The following GSTO1 variants were observed in gnomAD, a reference collection of about 807,000 sequenced individuals.
GSTO1 encodes glutathione S-transferase omega-1.
In GSTO1, 27 loss-of-function variants were observed where a neutral mutation model predicts 23.8. That is an observed-to-expected ratio of 1.13 (90% CI 0.83 to 1.56). The LOEUF (loss-of-function observed/expected upper bound fraction) is 1.56. GSTO1 is among the 40% of genes most tolerant of loss of function. The pLI is 0.00. For missense variants in GSTO1, 255 were observed against 285.8 expected, an observed-to-expected ratio of 0.89 and a Z score of 0.78; for synonymous variants, 105 against 109.3, an observed-to-expected ratio of 0.96 and a Z score of 0.25.
rs1301153852 is a variant in GSTO1, at chr10:104,259,721, T to C, written c.289T>C (p.Tyr97His). 1 of 1,613,198 alleles carries C rather than the reference T, an allele frequency of 6.2e-7. No homozygotes were observed. The highest frequency in any genetic ancestry group is 1.1e-5 in the South Asian group (1 of 91,050). ...CACCTGTGAGTACCTGGATGAAGCA[T>C]ACCCAGGGAAGAAGCTGTTGCCGGA... ...AITCEYLDEA[Y>H]PGKKLLPDDP... Residue 97 changes from tyrosine (Y) to histidine (H), a missense_variant, in exon 3 of 6, where the codon TAC becomes CAC. Transcript: ENST00000369713.
intron 3 of GSTO1, among the ~76,000 whole-genome samples, chr10:104,262,059 A>G (rs1160188348): frequency 6.6e-6 from 1 of 152,194 alleles, no homozygotes; most frequent in Non-Finnish European, 1.5e-5. Flanking sequence ...TAGAGTTCAA[A>G]TCAGAAACGA....
At chr10:104,255,065 G>A in intron 1 of GSTO1, 98 bp from the exon 2 acceptor site, 1 of 1,445,906 alleles carries the variant, frequency 6.9e-7, no homozygotes, top group Non-Finnish European at 9.5e-7. Context: ...CCCACCGGCG[G>A]GGAACGGGTC....
chr10:104,264,109 C>T (rs551917055), intron 4 of GSTO1, among the ~76,000 whole-genome samples: 1 of 152,204 alleles, frequency 6.6e-6, no homozygotes, highest in Admixed American at 6.5e-5. Context: ...ATATTCTGAC[C>T]TCATAAAATG....
At position 104,255,193 on chromosome 10, in the gene GSTO1, G is replaced by A. The variant is rs149222313; in HGVS notation, c.65G>A (p.Gly22Asp). 120 of 1,613,732 alleles carry A rather than the reference G, an allele frequency of 7.4e-5. No homozygotes were observed. Among genetic ancestry groups the A allele is most frequent in the Non-Finnish European group, 1.0e-4 (118 of 1,179,830 alleles). ...GSAPPGPVPE[G>D]SIRIYSMRFC... ...GCGCCCCCGGGGCCGGTCCCGGAGG[G>A]CTCGATCCGCATCTACAGCATGAGG... The change falls in exon 2 of 6, where the codon GGC becomes GAC. Residue 22 changes from glycine to aspartate, a missense_variant. Coordinates refer to ENST00000369713, the MANE Select transcript of GSTO1 (RefSeq NM_004832.3).
intron 4 of GSTO1, among the ~76,000 whole-genome samples, chr10:104,265,472 A>G (rs577556295): frequency 1.4e-4 from 21 of 151,648 alleles, no homozygotes; most frequent in African/African-American, 4.1e-4. Flanking sequence ...TTCACATAAC[A>G]TATCTTTTGG....
Position 104,258,729 on chromosome 10 carries a change from C to T in GSTO1, c.144-847C>T, listed in dbSNP as rs559536687. Among the ~76,000 whole-genome samples the T allele has an allele frequency of 2.6e-5, 4 of 152,274 alleles. No individual in the cohort carries two copies. In the South Asian group the frequency reaches 8.3e-4, roughly 32 times the overall value. On this transcript the variant is annotated intron_variant, in intron 2 of 5. Coordinates refer to ENST00000369713, the MANE Select transcript of GSTO1 (RefSeq NM_004832.3). ...ATTAGCTGGGTGTGATGGTGCACGC[C>T]TGTGGTCCCAACTACTCGGGAGGTA...
At position 104,259,811 on chromosome 10, in the gene GSTO1, G is replaced by T. The variant is rs45613032; in HGVS notation, c.366+13G>T. The T allele has an allele frequency of 0.014, 22,074 of 1,554,248 alleles. 2,566 individuals are homozygous for T. The African/African-American group carries it at 0.26, about 18-fold the overall frequency. ...GTTGTTTTCTAAGGTTTGTGCATAA[G>T]AAATTTCAGCTCCTATTTGAAAAAC... On this transcript the variant is annotated intron_variant, in intron 3 of 5. Coordinates refer to ENST00000369713, the MANE Select transcript of GSTO1 (RefSeq NM_004832.3).
rs140523013 is a variant in GSTO1 at position 104,255,658 on chromosome 10, G to A, written c.143+387G>A. ...TTCCCGTTCTTATTCCAGCTTAACTGTTAGTTGTTATTCTGAATGTATTGT... is the reference window on the plus strand; with the variant it reads ...TTCCCGTTCTTATTCCAGCTTAACTATTAGTTGTTATTCTGAATGTATTGT... On this transcript the variant is annotated intron_variant, in intron 2 of 5. Transcript: ENST00000369713. Among the ~76,000 whole-genome samples, 213 of 152,270 alleles carry A rather than the reference G, an allele frequency of 1.4e-3. 1 individual carries two copies. Among genetic ancestry groups the A allele is most frequent in the African/African-American group, 4.5e-3 (189 of 41,546 alleles).
At chr10:104,256,493 T>G (rs935320263) in intron 2 of GSTO1, among the ~76,000 whole-genome samples, 1 of 152,160 alleles carries the variant, frequency 6.6e-6, no homozygotes. Context: ...AAAGGAACAT[T>G]GAAACTATCT....
chr10:104,254,552 A>T, upstream of GSTO1: 1 of 355,116 alleles, frequency 2.8e-6, no homozygotes, highest in Non-Finnish European at 5.3e-6. Flanking sequence ...AAGCCTTGGG[A>T]CGGAGCGGGT....
intron 2 of GSTO1, among the ~76,000 whole-genome samples, chr10:104,257,086 G>A (rs1253504768): frequency 3.3e-5 from 5 of 151,706 alleles, no homozygotes; most frequent in Middle Eastern, 3.2e-3. Flanking sequence ...AAAAGGTATT[G>A]GTGTCTATTT....
intron 5 of GSTO1, 138 bp downstream of exon 5, chr10:104,266,328 T>A: frequency 1.8e-6 from 1 of 569,142 alleles, no homozygotes; most frequent in East Asian, 3.0e-5. Flanking sequence ...AATCTTGGAC[T>A]ATCCCAGGCA....
chr10:104,259,872 G>T, intron 3 of GSTO1, 74 bp downstream of exon 3: 1 of 946,526 alleles, frequency 1.1e-6, no homozygotes, highest in South Asian at 1.4e-5. Context: ...TGCCATTTAT[G>T]GTTCAGTGAT....
chr10:104,255,363 C>A, intron 2 of GSTO1, 92 bp downstream of exon 2: 2 of 772,172 alleles, frequency 2.6e-6, no homozygotes, highest in Non-Finnish European at 4.5e-6. Flanking sequence ...CTTCTACCCC[C>A]CTCCCACCAG....
intron 3 of GSTO1, 149 bp from the exon 4 acceptor site, chr10:104,262,830 T>C (rs1185920073): frequency 2.0e-6 from 1 of 495,748 alleles, no homozygotes; most frequent in Non-Finnish European, 3.6e-6. Context: ...ACCAGTCCAT[T>C]ACCTCTGTGA....
At chr10:104,255,337 G>C in intron 2 of GSTO1, 66 bp downstream of exon 2, 1 of 1,054,590 alleles carries the variant, frequency 9.5e-7, no homozygotes, top group South Asian at 1.3e-5. Context: ...GCGGGGTGGG[G>C]TGGGGTCTCA....
At chr10:104,255,823 C>T (rs1031509465) in intron 2 of GSTO1, among the ~76,000 whole-genome samples, 3 of 152,170 alleles carry the variant, frequency 2.0e-5, no homozygotes, top group Non-Finnish European at 4.4e-5. Flanking sequence ...CTGTCTAGCT[C>T]ATCCTTCTGC....
chr10:104,255,005 CCCGG>C, intron 1 of GSTO1, 43 bp downstream of exon 1: 2 of 1,566,504 alleles, frequency 1.3e-6, no homozygotes, highest in Admixed American at 1.8e-5. Flanking sequence ...CTCGGCGACC[CCCGG>C]CGGCATGTTC....
At chr10:104,255,304 C>G in intron 2 of GSTO1, 33 bp downstream of exon 2, 1 of 1,424,846 alleles carries the variant, frequency 7.0e-7, no homozygotes, top group Non-Finnish European at 9.9e-7. Context: ...CTCCCCGAGC[C>G]GTCCGGGAGC....
Sources: allele counts gnomAD v4.1 joint callset (sites outside exome capture counted in the v4.1 genomes callset), GRCh38; gene constraint gnomAD v4.1.1; transcripts MANE v1.5; gene names NCBI Gene and HGNC (gene_info 2026-07-23, HGNC 2026-07-21).